Variants in AK7 observed in about 807,000 individuals in gnomAD.
AK7 encodes adenylate kinase 7.
Under a neutral mutation model 96.6 loss-of-function variants are expected in AK7, and 78 were observed. The ratio of observed to expected loss-of-function variants is 0.81; its 90% CI spans 0.67 to 0.97. AK7 has a LOEUF of 0.97. Ranked by LOEUF, AK7 falls within the 50% of genes least tolerant of loss-of-function variation. AK7 has a pLI of 0.00. For synonymous variants in AK7, 302 were observed against 317.2 expected (o/e 0.95, Z 0.51); for missense variants, 855 against 887.9 (o/e 0.96, Z 0.47).
At chr14:96,428,857 A>T (rs1234228725) in intron 5 of AK7, among the ~76,000 whole-genome samples, 2 of 150,772 alleles carry the variant, frequency 1.3e-5, no homozygotes, top group Non-Finnish European at 2.9e-5. Flanking sequence ...TAGATTCTGG[A>T]TATTAGCCCT....
chr14:96,408,703 C>T, intron 3 of AK7, 144 bp from the exon 4 acceptor site: 1 of 659,300 alleles, frequency 1.5e-6, no homozygotes, highest in East Asian at 2.8e-5. Flanking sequence ...ATTTGAAGAA[C>T]GGTGATGGGA....
intron 4 of AK7, among the ~76,000 whole-genome samples, chr14:96,415,723 A>ATTAATTTAATACATTAATTAAT (rs1891291169): frequency 6.6e-6 from 1 of 150,494 alleles, no homozygotes; most frequent in East Asian, 1.9e-4. Flanking sequence ...TTTATTATTA[A>ATTAATTTAATACATTAATTAAT]TAAATTTTAA....
intron 9 of AK7, among the ~76,000 whole-genome samples, chr14:96,450,886 T>G (rs1050822536): frequency 1.3e-5 from 2 of 149,258 alleles, no homozygotes; most frequent in African/African-American, 4.9e-5. Context: ...GCCATTCTCC[T>G]GCCTCAGCCT....
At chr14:96,483,329 A>C (rs1477923071) in intron 16 of AK7, 110 bp downstream of exon 16, 150 of 1,094,642 alleles carry the variant, frequency 1.4e-4, no homozygotes, top group Non-Finnish European at 1.9e-4. Flanking sequence ...GGGAAATGTC[A>C]TGGAAATACC....
chr14:96,403,123 T>TAAATA (rs1890513497), intron 2 of AK7, among the ~76,000 whole-genome samples: 1 of 106,846 alleles, frequency 9.4e-6, no homozygotes, highest in South Asian at 2.8e-4. Flanking sequence ...CTTAAATAAA[T>TAAATA]AAATAAATAA....
intron 4 of AK7, 24 bp from the exon 5 acceptor site, chr14:96,420,798 C>G: frequency 6.5e-7 from 1 of 1,540,506 alleles, no homozygotes. Flanking sequence ...CAAGTCTGTA[C>G]CTTTTCTTTC....
intron 12 of AK7, among the ~76,000 whole-genome samples, chr14:96,469,974 C>T (rs1418357982): frequency 2.0e-5 from 3 of 152,034 alleles, no homozygotes; most frequent in Non-Finnish European, 4.4e-5. Context: ...TGTGCCACCA[C>T]GCCCGGCTAA....
chr14:96,397,747 C>T (rs1434730668), intron 1 of AK7, among the ~76,000 whole-genome samples: 1 of 152,194 alleles, frequency 6.6e-6, no homozygotes, highest in African/African-American at 2.4e-5. Context: ...TATGTGGCTC[C>T]TATTACATTT....
intron 1 of AK7, among the ~76,000 whole-genome samples, chr14:96,395,857 G>C (rs540472878): frequency 2.4e-5 from 3 of 124,884 alleles, no homozygotes; most frequent in African/African-American, 9.5e-5. Context: ...CTGTTGCCAG[G>C]CTGGAGTACA....
At chr14:96,445,964 C>T (rs945417866) in intron 7 of AK7, among the ~76,000 whole-genome samples, 1 of 152,230 alleles carries the variant, frequency 6.6e-6, no homozygotes, top group African/African-American at 2.4e-5. Context: ...AGTGGGATCA[C>T]ACCTGTGCCA....
intron 7 of AK7, among the ~76,000 whole-genome samples, chr14:96,443,933 C>T (rs1893093518): frequency 1.3e-5 from 2 of 152,034 alleles, no homozygotes; most frequent in African/African-American, 4.8e-5. Context: ...GCCACCATGC[C>T]TGGCTAATTT....
intron 5 of AK7, among the ~76,000 whole-genome samples, chr14:96,434,212 C>T (rs776577496): frequency 6.6e-6 from 1 of 152,202 alleles, no homozygotes; most frequent in Non-Finnish European, 1.5e-5. Flanking sequence ...GAAGGCATTC[C>T]AGATATTCAA....
At chr14:96,465,020 A>G (rs1293289345) in intron 12 of AK7, among the ~76,000 whole-genome samples, 2 of 152,236 alleles carry the variant, frequency 1.3e-5, no homozygotes. Context: ...ACTGTACCCT[A>G]GAAATATTTT....
chr14:96,458,008 T>A, intron 11 of AK7, 75 bp from the exon 12 acceptor site: 6 of 1,568,910 alleles, frequency 3.8e-6, no homozygotes, highest in Non-Finnish European at 5.2e-6. Context: ...TTTTCCAGGA[T>A]CACCTGCCAG....
chr14:96,472,182 AAT>A (rs1210318755), intron 13 of AK7, among the ~76,000 whole-genome samples: 1 of 152,154 alleles, frequency 6.6e-6, no homozygotes, highest in Non-Finnish European at 1.5e-5. Flanking sequence ...TTAAAAAAAA[AAT>A]AGACCATCCG....
At chr14:96,430,254 C>T (rs1161112487) in intron 5 of AK7, among the ~76,000 whole-genome samples, 36 of 146,220 alleles carry the variant, frequency 2.5e-4, no homozygotes, top group African/African-American at 8.4e-4. Context: ...GGTGCTATCT[C>T]GGCTCACTGC....
chr14:96,442,481 A>G (rs1360974576), intron 6 of AK7, among the ~76,000 whole-genome samples: 1 of 152,026 alleles, frequency 6.6e-6, no homozygotes, highest in Middle Eastern at 3.4e-3. Context: ...GCAGAATTTG[A>G]TTCAGTCCCA....
intron 8 of AK7, among the ~76,000 whole-genome samples, chr14:96,448,303 T>C (rs939559833): frequency 6.6e-6 from 1 of 151,980 alleles, no homozygotes; most frequent in Non-Finnish European, 1.5e-5. Context: ...AATAGACATT[T>C]ATTGTTCACA....
chr14:96,462,117 G>C (rs1894286452), intron 12 of AK7, among the ~76,000 whole-genome samples: 1 of 152,184 alleles, frequency 6.6e-6, no homozygotes, highest in Non-Finnish European at 1.5e-5. Context: ...GGTGTGAGAG[G>C]CCAAACAGGT....
Sources: gnomAD v4.1 joint callset for allele counts (sites outside exome capture counted in the v4.1 genomes callset) on GRCh38, gnomAD v4.1.1 for gene constraint, MANE v1.5 for transcripts, NCBI Gene and HGNC (gene_info 2026-07-23, HGNC 2026-07-21) for gene names.